The following ACOX2 variants were observed in gnomAD, a reference collection of about 807,000 sequenced individuals.
ACOX2 encodes peroxisomal acyl-coenzyme A oxidase 2.
Under a neutral mutation model 77.5 loss-of-function variants are expected in ACOX2, and 59 were observed. The observed-to-expected ratio is 0.76, with a 90% CI of 0.62 to 0.95. The LOEUF is 0.95. ACOX2 is among the 40% of genes least tolerant of loss of function. ACOX2 has a pLI of 0.00. For synonymous variants in ACOX2, 317 were observed against 340.1 expected, an observed-to-expected ratio of 0.93 and a Z score of 0.75; for missense variants, 837 against 880.4, an observed-to-expected ratio of 0.95 and a Z score of 0.62.
intron 14 of ACOX2, among the ~76,000 whole-genome samples, chr3:58,507,164 G>A (rs904751310): frequency 6.6e-6 from 1 of 152,180 alleles, no homozygotes; most frequent in African/African-American, 2.4e-5. Context: ...AAGAGTGTGT[G>A]GCACTGTGTA....
rs1182686088 is a variant in ACOX2, at chr3:58,512,063, C to T, written c.1851-3038G>A. On this transcript the variant is annotated intron_variant, in intron 13 of 14. Coordinates refer to ENST00000302819, the MANE Select transcript of ACOX2 (RefSeq NM_003500.4). The surrounding 1 kb of genome is among the most constrained non-coding windows in gnomAD (Gnocchi z 4.8). The stretch of plus-strand genomic sequence containing the variant: ...TTCCAAACTTATCCCTCCAGTGTCC[C>T]CTGCTTACCAACATCTGTACTTGGA... Among the ~76,000 whole-genome samples the T allele has an allele frequency of 6.6e-6, 1 of 152,138 alleles. No individual in the cohort carries two copies. Among genetic ancestry groups the T allele is most frequent in the Non-Finnish European group, 1.5e-5 (1 of 68,028 alleles).
At position 58,531,143 on chromosome 3, in the gene ACOX2, G is replaced by T; in HGVS notation, c.819+108C>A. On this transcript the variant is annotated intron_variant, in intron 7 of 14. Coordinates refer to ENST00000302819, the MANE Select transcript of ACOX2 (RefSeq NM_003500.4). This position sits in a 1 kb window ranked among gnomAD's most constrained non-coding sequence, Gnocchi z 5.8. ...TATCAGAGCCTCTCTTGGGGGAGGA[G>T]GTTATGTGGCCCAAACTAAGCTCTA... 1 of 921,390 alleles carries T rather than the reference G, an allele frequency of 1.1e-6. No homozygotes were observed. Among genetic ancestry groups the T allele is most frequent in the Non-Finnish European group, 1.7e-6 (1 of 606,014 alleles). 57.1% of individuals were successfully genotyped at this position (921,390 alleles called of 1,614,324 possible).
rs1267956951 is a variant in ACOX2, at chr3:58,510,693, TATATATATATATATATACAC to T, written c.1851-1688_1851-1669del. On this transcript the variant is annotated intron_variant, in intron 13 of 14. Coordinates refer to ENST00000302819, the MANE Select transcript of ACOX2 (RefSeq NM_003500.4). ...ATATATATATATATATATATATATA[TATATATATATATATATACAC>T]ACACACACACACACACACACACACA... Among the ~76,000 whole-genome samples, 40 of 17,728 alleles carry T rather than the reference TATATATATATATATATACAC, an allele frequency of 2.3e-3. 5 individuals are homozygous for T. The highest frequency in any genetic ancestry group is 4.5e-3 in the African/African-American group (18 of 3,984). The allele number at this position is 17,728 out of a possible 152,430, so 11.6% of individuals were successfully genotyped here.
Position 58,514,374 on chromosome 3 carries a change from G to T in ACOX2, c.1850+2832C>A, listed in dbSNP as rs1345873257. 6.6e-6 allele frequency among the ~76,000 whole-genome samples: 1 copy of T among 152,170 alleles called. No homozygotes were observed. Among genetic ancestry groups the T allele is most frequent in the African/African-American group, 2.4e-5 (1 of 41,428 alleles). Reference sequence around the variant, plus strand: ...CAGAAGTAAATGCATAGTTTAATCTGTCATCTTTACCTGGAAGTCCCCCCA... The same window carrying T: ...CAGAAGTAAATGCATAGTTTAATCTTTCATCTTTACCTGGAAGTCCCCCCA... On this transcript the variant is annotated intron_variant, in intron 13 of 14. Coordinates refer to ENST00000302819, the MANE Select transcript of ACOX2 (RefSeq NM_003500.4). This position sits in a 1 kb window ranked among gnomAD's most constrained non-coding sequence, Gnocchi z 4.3.
chr3:58,519,740 C>T lies in ACOX2; in HGVS notation c.1633-2317G>A, dbSNP rs2063345913. Among the ~76,000 whole-genome samples the T allele has an allele frequency of 6.6e-6, 1 of 152,244 alleles. No homozygotes were observed. Among genetic ancestry groups the T allele is most frequent in the Non-Finnish European group, 1.5e-5 (1 of 68,036 alleles). On this transcript the variant is annotated intron_variant, in intron 12 of 14. Coordinates refer to ENST00000302819, the MANE Select transcript of ACOX2 (RefSeq NM_003500.4). The surrounding 1 kb of genome is among the most constrained non-coding windows in gnomAD (Gnocchi z 5.0). The stretch of plus-strand genomic sequence containing the variant: ...CCTCACACAGGTGCTGACAACTCCA[C>T]TTTGCCATTCAGACATGGTGTGCTC...
Position 58,534,413 on chromosome 3 carries a change from T to C in ACOX2, c.270A>G (p.Ile90Met), listed in dbSNP as rs1239468012. ...AMRRAFHIRL[I>M]ARRLGWLEDG... ...CTTCTAACCAACCCAGGCGCCGAGC[T>C]ATCAACCGGATGTGGAATGCCCTCC... Residue 90 changes from isoleucine (I) to methionine (M), a missense_variant, in exon 3 of 15, where the codon ATA becomes ATG. Coordinates refer to ENST00000302819, the MANE Select transcript of ACOX2 (RefSeq NM_003500.4). The surrounding 1 kb of genome is among the most constrained non-coding windows in gnomAD (Gnocchi z 4.8). 1 of 1,614,082 alleles carries C rather than the reference T, an allele frequency of 6.2e-7. No homozygotes were observed. The highest frequency in any genetic ancestry group is 8.5e-7 in the Non-Finnish European group (1 of 1,180,030).
rs143322533 is a variant in ACOX2, at chr3:58,533,117, T to C, written c.583+328A>G. Among the ~76,000 whole-genome samples, 566 of 152,184 alleles carry C rather than the reference T, an allele frequency of 3.7e-3. 3 individuals carry two copies. The highest frequency in any genetic ancestry group is 0.013 in the African/African-American group (551 of 41,524). The stretch of plus-strand genomic sequence containing the variant: ...CTCGGGAGATGAGAGGAACCGGGGT[T>C]GTGAGGAGTGCCTAGGACTAGACCA... On this transcript the variant is annotated intron_variant, in intron 5 of 14. Coordinates refer to ENST00000302819, the MANE Select transcript of ACOX2 (RefSeq NM_003500.4). This position sits in a 1 kb window ranked among gnomAD's most constrained non-coding sequence, Gnocchi z 5.6.
chr3:58,511,245 G>A (rs552149966), intron 13 of ACOX2: 1 of 320,656 alleles, frequency 3.1e-6, no homozygotes, highest in East Asian at 9.7e-5. Flanking sequence ...TTCCCCTCAG[G>A]GGTAAAAAGT....
At chr3:58,507,720 A>G (rs1266028272) in intron 14 of ACOX2, among the ~76,000 whole-genome samples, 1 of 152,266 alleles carries the variant, frequency 6.6e-6, no homozygotes, top group African/African-American at 2.4e-5. Context: ...AAGTAGGTTA[A>G]CTGTACTAAA....
intron 8 of ACOX2, 93 bp downstream of exon 8, chr3:58,530,373 C>G (rs1325454821): frequency 6.5e-7 from 1 of 1,528,108 alleles, no homozygotes; most frequent in African/African-American, 1.4e-5. Flanking sequence ...GCTCCCAGCA[C>G]TCTGGCTCTG....
At position 58,514,728 on chromosome 3, in the gene ACOX2, C is replaced by G. The variant is rs568479869; in HGVS notation, c.1850+2478G>C. Among the ~76,000 whole-genome samples, 9 of 152,302 alleles carry G rather than the reference C, an allele frequency of 5.9e-5. No homozygotes were observed. Among genetic ancestry groups the G allele is most frequent in the African/African-American group, 2.2e-4 (9 of 41,566 alleles). On this transcript the variant is annotated intron_variant, in intron 13 of 14. Coordinates refer to ENST00000302819, the MANE Select transcript of ACOX2 (RefSeq NM_003500.4). This position sits in a 1 kb window ranked among gnomAD's most constrained non-coding sequence, Gnocchi z 4.3. ...GTCTTGAATTGTAAGTTTCTGGAGC[C>G]AAGGCAAGCACTTAGAAATGCTGTT...
Position 58,535,244 on chromosome 3 carries a change from G to T in ACOX2, c.-91-47C>A. The T allele has an allele frequency of 9.2e-7, 1 of 1,088,812 alleles. No homozygotes were observed. Among genetic ancestry groups the T allele is most frequent in the Non-Finnish European group, 1.3e-6 (1 of 741,746 alleles). 67.4% of individuals were successfully genotyped at this position (1,088,812 alleles called of 1,614,324 possible). A position where few individuals can be genotyped will look rare whatever the true frequency, so the allele number is the denominator to read the frequency against. ...TAGGGCTGGGTGTCAGCCAGGGCTG[G>T]TTGGTAGAAGAAAGACATCCCTAAG... On this transcript the variant is annotated intron_variant, in intron 1 of 14. Coordinates refer to ENST00000302819, the MANE Select transcript of ACOX2 (RefSeq NM_003500.4). The surrounding 1 kb of genome is among the most constrained non-coding windows in gnomAD (Gnocchi z 4.8).
chr3:58,522,697 G>C lies in ACOX2; in HGVS notation c.1527-96C>G. ...TCCCTCAGAAGTAGAAATAATGCCT[G>C]TTTATTGACCACTTATGTGCCATAA... On this transcript the variant is annotated intron_variant, in intron 11 of 14. Coordinates refer to ENST00000302819, the MANE Select transcript of ACOX2 (RefSeq NM_003500.4). This position sits in a 1 kb window ranked among gnomAD's most constrained non-coding sequence, Gnocchi z 4.3. 9.6e-7 allele frequency: 1 copy of C among 1,040,956 alleles called. No individual in the cohort carries two copies. The highest frequency in any genetic ancestry group is 1.5e-6 in the Non-Finnish European group (1 of 668,344). 64.5% of individuals were successfully genotyped at this position (1,040,956 alleles called of 1,614,324 possible). A position where few individuals can be genotyped will look rare whatever the true frequency, so the allele number is the denominator to read the frequency against.
At position 58,522,708 on chromosome 3, in the gene ACOX2, A is replaced by G; in HGVS notation, c.1527-107T>C. ...TAGAAATAATGCCTGTTTATTGACCACTTATGTGCCATAAAGCTAAATGAT... is the reference window on the plus strand; with the variant it reads ...TAGAAATAATGCCTGTTTATTGACCGCTTATGTGCCATAAAGCTAAATGAT... On this transcript the variant is annotated intron_variant, in intron 11 of 14. Transcript: ENST00000302819. This position sits in a 1 kb window ranked among gnomAD's most constrained non-coding sequence, Gnocchi z 4.3. The G allele has an allele frequency of 2.2e-6, 2 of 927,598 alleles. No individual in the cohort carries two copies. Among genetic ancestry groups the G allele is most frequent in the South Asian group, 2.8e-5 (2 of 71,726 alleles). The allele number at this position is 927,598 out of a possible 1,614,324, so 57.5% of individuals were successfully genotyped here.
At position 58,524,387 on chromosome 3, in the gene ACOX2, T is replaced by C; in HGVS notation, c.1526+39A>G. ...AGGCCCTAGTGTGGCATGGAGCCTG[T>C]GCCCAGGTGGGATGGCTGATTTCTC... On this transcript the variant is annotated intron_variant, in intron 11 of 14. Coordinates refer to ENST00000302819, the MANE Select transcript of ACOX2 (RefSeq NM_003500.4). This position sits in a 1 kb window ranked among gnomAD's most constrained non-coding sequence, Gnocchi z 5.5. The C allele has an allele frequency of 1.3e-6, 2 of 1,595,652 alleles. No homozygotes were observed. The highest frequency in any genetic ancestry group is 1.7e-6 in the Non-Finnish European group (2 of 1,166,322).
In ACOX2 at chr3:58,523,741, G is replaced by A. The variant is rs975885469; in HGVS notation, c.1526+685C>T. Among the ~76,000 whole-genome samples the A allele has an allele frequency of 1.3e-5, 2 of 152,068 alleles. No individual in the cohort carries two copies. The highest frequency in any genetic ancestry group is 2.9e-5 in the Non-Finnish European group (2 of 68,012). On this transcript the variant is annotated intron_variant, in intron 11 of 14. Coordinates refer to ENST00000302819, the MANE Select transcript of ACOX2 (RefSeq NM_003500.4). The surrounding 1 kb of genome is among the most constrained non-coding windows in gnomAD (Gnocchi z 5.3). Reference sequence around the variant, plus strand: ...TGGAATTACTGGTGTCAGCCACCATGCCCAGCCTGTTTTCGGTGTTTTAAT... The same window carrying A: ...TGGAATTACTGGTGTCAGCCACCATACCCAGCCTGTTTTCGGTGTTTTAAT...
chr3:58,520,178 C>A (rs1020168484), intron 12 of ACOX2, among the ~76,000 whole-genome samples: 1 of 152,200 alleles, frequency 6.6e-6, no homozygotes, highest in African/African-American at 2.4e-5. Context: ...CTTATTTAAT[C>A]TTTATTAGAA....
chr3:58,530,313 C>T (rs1421328409), intron 8 of ACOX2, among the ~76,000 whole-genome samples, 153 bp downstream of exon 8: 2 of 152,216 alleles, frequency 1.3e-5, no homozygotes, highest in Non-Finnish European at 2.9e-5. Context: ...TGGGGCCAGG[C>T]TGGGTAGATT....
Position 58,535,173 on chromosome 3 carries a change from C to G in ACOX2, c.-67G>C. On this transcript the variant is annotated 5_prime_UTR_variant, in exon 2 of 15. Coordinates refer to ENST00000302819, the MANE Select transcript of ACOX2 (RefSeq NM_003500.4). This position sits in a 1 kb window ranked among gnomAD's most constrained non-coding sequence, Gnocchi z 4.8. The stretch of plus-strand genomic sequence containing the variant: ...AACCCGGCTGCTCCGAGGGTCTGCT[C>G]TCAGCATTGGTCAGTGCAAAGAACC... The G allele has an allele frequency of 1.3e-6, 2 of 1,598,246 alleles. No individual in the cohort carries two copies. Among genetic ancestry groups the G allele is most frequent in the Non-Finnish European group, 1.7e-6 (2 of 1,167,142 alleles).
Sources: gnomAD v4.1 joint callset for allele counts (sites outside exome capture counted in the v4.1 genomes callset) on GRCh38, gnomAD v4.1.1 for gene constraint, Gnocchi (gnomAD v3.1) non-coding constraint, MANE v1.5 for transcripts, NCBI Gene and HGNC (gene_info 2026-07-23, HGNC 2026-07-21) for gene names.